NOL4: variants seen among roughly 807,000 people sequenced by gnomAD.
The protein encoded by NOL4 is nucleolar protein 4.
A neutral mutation model predicts 75.9 loss-of-function variants in NOL4; 17 were observed. The observed-to-expected ratio is 0.22, with a 90% confidence interval of 0.15 to 0.34. NOL4 has a LOEUF of 0.34. Ranked by LOEUF, NOL4 falls within the 10% of genes least tolerant of loss-of-function variation. The pLI, the probability that NOL4 is intolerant of heterozygous loss-of-function variation, is 1.00. For synonymous variants in NOL4, 292 were observed against 289.9 expected, an observed-to-expected ratio of 1.01 and a Z score of -0.07; for missense variants, 614 against 793.5, an observed-to-expected ratio of 0.77 and a Z score of 2.72.
chr18:34,003,572 G>T (rs2073861365), intron 6 of NOL4, among the ~76,000 whole-genome samples: 4 of 151,956 alleles, frequency 2.6e-5, no homozygotes, highest in African/African-American at 9.7e-5. Flanking sequence ...AATTTTCCCT[G>T]TAAGATAAAG....
chr18:33,988,515 T>C (rs149411645), intron 6 of NOL4, among the ~76,000 whole-genome samples: 2 of 152,192 alleles, frequency 1.3e-5, no homozygotes, highest in Non-Finnish European at 2.9e-5. Flanking sequence ...TCCTCTTTCA[T>C]AGTTACTCTC....
intron 9 of NOL4, among the ~76,000 whole-genome samples, chr18:33,911,449 T>A (rs1439989384): frequency 6.6e-6 from 1 of 152,140 alleles, no homozygotes; most frequent in Non-Finnish European, 1.5e-5. Context: ...ATTTTTTGTC[T>A]ATTTAAAAAG....
At chr18:34,210,979 T>C (rs2036471944) in intron 1 of NOL4, among the ~76,000 whole-genome samples, 1 of 152,028 alleles carries the variant, frequency 6.6e-6, no homozygotes, top group African/African-American at 2.4e-5. Flanking sequence ...TGCTATCTTA[T>C]CATGAATTTG....
At chr18:33,857,577 A>G (rs2062894573) in intron 10 of NOL4, among the ~76,000 whole-genome samples, 1 of 152,028 alleles carries the variant, frequency 6.6e-6, no homozygotes. Flanking sequence ...AAAATTTAAT[A>G]TTAGCCCTGA....
At chr18:33,922,686 C>A (rs1162543881) in intron 9 of NOL4, among the ~76,000 whole-genome samples, 6 of 152,034 alleles carry the variant, frequency 3.9e-5, no homozygotes, top group Admixed American at 1.3e-4. Flanking sequence ...ATTGAATATA[C>A]CCTCAATTTT....
In NOL4 at chr18:34,124,738, C is replaced by T. The variant is rs1376084115; in HGVS notation, c.414+5133G>A. On this transcript the variant is annotated intron_variant, in intron 2 of 10. Transcript: ENST00000261592. ...TGACCAACATGGTGAAACCCCATCT[C>T]TACTTAAAATACAAAAAAATTAACC... Among the ~76,000 whole-genome samples the T allele has an allele frequency of 3.9e-5, 6 of 152,184 alleles. No individual in the cohort carries two copies. The East Asian group carries it at 1.2e-3, about 29-fold the overall frequency.
At chr18:33,981,194 T>C (rs2071927344) in intron 6 of NOL4, among the ~76,000 whole-genome samples, 1 of 151,534 alleles carries the variant, frequency 6.6e-6, no homozygotes, top group African/African-American at 2.4e-5. Context: ...CAGAACAGAA[T>C]ATGTAAGAAC....
chr18:34,098,723 T>C (rs895354191), intron 4 of NOL4, among the ~76,000 whole-genome samples: 15 of 152,126 alleles, frequency 9.9e-5, no homozygotes, highest in Admixed American at 9.2e-4. Context: ...AAACAAATAG[T>C]TAATACTAAT....
intron 7 of NOL4, among the ~76,000 whole-genome samples, chr18:33,957,806 T>C (rs1279778514): frequency 6.6e-6 from 1 of 152,118 alleles, no homozygotes; most frequent in Non-Finnish European, 1.5e-5. Context: ...ACTGTGACAA[T>C]TGAGCACCCC....
intron 1 of NOL4, among the ~76,000 whole-genome samples, chr18:34,153,808 CA>C (rs1447535786): frequency 1.3e-5 from 2 of 151,980 alleles, no homozygotes; most frequent in Non-Finnish European, 2.9e-5. Context: ...TCCAGTGATC[CA>C]CAGCCAGCAT....
At chr18:33,918,724 G>T (rs1316915071) in intron 9 of NOL4, among the ~76,000 whole-genome samples, 2 of 152,082 alleles carry the variant, frequency 1.3e-5, no homozygotes, top group Non-Finnish European at 2.9e-5. Context: ...ATATATGTTT[G>T]GGTGATAAGA....
rs1238457577 is a variant in NOL4 at position 33,945,334 on chromosome 18, T to C, written c.1429-2156A>G. ...ATAGAATTTTACTAAATGATTACAT[T>C]GTATCAATAGGCACACAAGTAACTT... is the stretch of plus-strand genomic sequence containing the variant. On this transcript the variant is annotated intron_variant, in intron 8 of 10. Coordinates refer to ENST00000261592, the MANE Select transcript of NOL4 (RefSeq NM_003787.5). Among the ~76,000 whole-genome samples, 4 of 151,792 alleles carry C rather than the reference T, an allele frequency of 2.6e-5. 1 individual carries two copies. The highest frequency in any genetic ancestry group is 5.9e-5 in the Non-Finnish European group (4 of 67,834).
At chr18:34,006,838 G>A (rs958656113) in intron 6 of NOL4, among the ~76,000 whole-genome samples, 2 of 151,942 alleles carry the variant, frequency 1.3e-5, no homozygotes, top group Non-Finnish European at 1.5e-5. Flanking sequence ...TGAATACCTC[G>A]AAGGGCTGGG....
intron 1 of NOL4, among the ~76,000 whole-genome samples, chr18:34,155,604 C>T (rs1012304719): frequency 3.3e-5 from 5 of 151,874 alleles, no homozygotes; most frequent in South Asian, 2.1e-4. Flanking sequence ...CAGCATGTTA[C>T]GGTACTGAAT....
intron 9 of NOL4, among the ~76,000 whole-genome samples, chr18:33,941,699 A>G (rs2068495623): frequency 6.6e-6 from 1 of 152,032 alleles, no homozygotes; most frequent in South Asian, 2.1e-4. Context: ...TTTCATATGG[A>G]GTAATCAAAG....
chr18:33,906,441 A>C (rs1056555603), intron 9 of NOL4, among the ~76,000 whole-genome samples: 25 of 152,292 alleles, frequency 1.6e-4, no homozygotes, highest in African/African-American at 6.0e-4. Context: ...ACCTTGTTCC[A>C]AATCCTTGTC....
chr18:33,887,191 AC>A (rs1441303822), intron 9 of NOL4, among the ~76,000 whole-genome samples: 1 of 146,834 alleles, frequency 6.8e-6, no homozygotes, highest in African/African-American at 2.5e-5. Flanking sequence ...TTATATACCC[AC>A]AAAAATTAGA....
At chr18:33,998,200 G>A (rs2073431046) in intron 6 of NOL4, among the ~76,000 whole-genome samples, 1 of 151,986 alleles carries the variant, frequency 6.6e-6, no homozygotes, top group Admixed American at 6.6e-5. Flanking sequence ...TAACCATAGT[G>A]ATGGTTGCAT....
intron 10 of NOL4, among the ~76,000 whole-genome samples, chr18:33,881,443 C>T (rs1473672781): frequency 6.6e-6 from 1 of 151,218 alleles, no homozygotes; most frequent in African/African-American, 2.4e-5. Context: ...TGTCTTGTGC[C>T]AGTTTTCAAA....
Sources: gnomAD v4.1 joint callset for allele counts (sites outside exome capture counted in the v4.1 genomes callset) on GRCh38, gnomAD v4.1.1 for gene constraint, MANE v1.5 for transcripts, NCBI Gene and HGNC (gene_info 2026-07-23, HGNC 2026-07-21) for gene names.